The following MUC5B variants were observed in gnomAD, a reference collection of about 807,000 sequenced individuals.
The protein encoded by MUC5B is mucin 5B, oligomeric mucus/gel-forming.
MUC5B carries 116 observed loss-of-function variants against 376.9 expected under a neutral mutation model. That is an observed-to-expected ratio of 0.31 (90% CI 0.26 to 0.36). MUC5B has a LOEUF of 0.36. Ranked by LOEUF, MUC5B falls within the 10% of genes least tolerant of loss-of-function variation. The probability of loss-of-function intolerance (pLI) is 1.00; values close to 1 mark genes in which losing one functional copy is unlikely to be tolerated. For synonymous variants in MUC5B, 3,517 were observed against 3,390.9 expected, an observed-to-expected ratio of 1.04 and a Z score of -1.29; for missense variants, 7,165 against 7,769.9, an observed-to-expected ratio of 0.92 and a Z score of 2.93.
Position 1,247,842 on chromosome 11 carries a change from G to C in MUC5B, c.10962G>C (p.Lys3654Asn), listed in dbSNP as rs771552972. 5 of 1,607,868 alleles carry C rather than the reference G, an allele frequency of 3.1e-6. No homozygotes were observed. Among genetic ancestry groups the C allele is most frequent in the Non-Finnish European group, 4.2e-6 (5 of 1,177,268 alleles). The change falls in exon 31 of 49, where the codon AAG (lysine) becomes AAC (asparagine). Residue 3654 changes from lysine to asparagine, a missense_variant. Coordinates refer to ENST00000529681, the MANE Select transcript of MUC5B (RefSeq NM_002458.3). ...ACCGTGAGCAGGTGGGGAAGTTCAAGATGTGCTTCAACTATGAAATCCGTG... is the reference window on the plus strand; with the variant it reads ...ACCGTGAGCAGGTGGGGAAGTTCAACATGTGCTTCAACTATGAAATCCGTG... ...CRNREQVGKF[K>N]MCFNYEIRVF... is the part of the protein sequence containing the mutation.
In MUC5B at chr11:1,237,014, G is replaced by A; in HGVS notation, c.3147G>A (p.Leu1049=). The A allele has an allele frequency of 1.9e-6, 3 of 1,576,736 alleles. No individual in the cohort carries two copies. The highest frequency in any genetic ancestry group is 8.6e-7 in the Non-Finnish European group (1 of 1,161,034). ...GCCGGTCCGTGGTGGGGGACGCACT[G>A]GAGTTTGGGAACAGCTGGAAGCTCT... The part of the protein sequence containing the change: ...TRSRSVVGDA[L]EFGNSWKLSP... Residue 1049 remains leucine, a synonymous_variant, in exon 25 of 49, where the codon CTG becomes CTA. Transcript: ENST00000529681.
rs1296936769 is a variant in MUC5B at position 1,251,699 on chromosome 11, C to G, written c.14819C>G (p.Ser4940Cys). 2 of 1,611,418 alleles carry G rather than the reference C, an allele frequency of 1.2e-6. No homozygotes were observed. Among genetic ancestry groups the G allele is most frequent in the Non-Finnish European group, 1.7e-6 (2 of 1,178,856 alleles). ...ACTGGCTTCCCCAGCTCCCACTTCT[C>G]TACTCCCTGCTTCTGCAGGGCATTT... is the stretch of plus-strand genomic sequence containing the variant. ...RPTGFPSSHF[S>C]TPCFCRAFGQ... is the part of the protein sequence containing the mutation. The change falls in exon 31 of 49, where the codon TCT becomes TGT. Residue 4940 changes from serine to cysteine, a missense_variant. Physicochemically the swap from Ser to Cys is moderately radical, Grantham distance 112. Coordinates refer to ENST00000529681, the MANE Select transcript of MUC5B (RefSeq NM_002458.3).
Position 1,242,797 on chromosome 11 carries a change from A to G in MUC5B, c.5917A>G (p.Thr1973Ala). The change falls in exon 31 of 49, where the codon ACC becomes GCC. Residue 1973 changes from threonine to alanine, a missense_variant. By Grantham distance (58) the Thr-to-Ala change is moderately conservative. Coordinates refer to ENST00000529681, the MANE Select transcript of MUC5B (RefSeq NM_002458.3). ...CCTTCCAGCACTGAGAAGCACAGCC[A>G]CCACACCCACAGCTACCAGCGTTAC... ...TALPALRSTATTPTATSVTPI... is the reference protein window; with the variant it reads ...TALPALRSTAATPTATSVTPI... 1 of 1,613,050 alleles carries G rather than the reference A, an allele frequency of 6.2e-7. No individual in the cohort carries two copies. Among genetic ancestry groups the G allele is most frequent in the Non-Finnish European group, 8.5e-7 (1 of 1,179,522 alleles).
At position 1,241,721 on chromosome 11, in the gene MUC5B, C is replaced by G. The variant is rs766349222; in HGVS notation, c.4841C>G (p.Thr1614Arg). 6.2e-7 allele frequency: 1 copy of G among 1,612,562 alleles called. No individual in the cohort carries two copies. Among genetic ancestry groups the G allele is most frequent in the South Asian group, 1.1e-5 (1 of 91,012 alleles). ...CGTGCCACAACCCCGCCACCGACCA[C>G]AGAGCTGGAGACGGCCACCACCACC... ...RGRATTPPPT[T>R]ELETATTTTT... The change falls in exon 31 of 49, where the codon ACA (threonine) becomes AGA (arginine). Residue 1614 changes from threonine (T) to arginine (R), a missense_variant. By Grantham distance (71) the Thr-to-Arg change is moderately conservative. This residue lies in a region of MUC5B where 897 missense variants were observed against 779.6 expected (regional missense o/e 1.15). Coordinates refer to ENST00000529681, the MANE Select transcript of MUC5B (RefSeq NM_002458.3).
rs1261042945 is a variant in MUC5B at position 1,235,151 on chromosome 11, G to A, written c.2697G>A (p.Gly899=). 1 of 1,613,020 alleles carries A rather than the reference G, an allele frequency of 6.2e-7. No homozygotes were observed. Among genetic ancestry groups the A allele is most frequent in the East Asian group, 2.2e-5 (1 of 44,878 alleles). ...GCCTGGGCACCTGCGTGGCCTACGG[G>A]GATGGCCACTTCATCACCTTTGATG... ...RLCLGTCVAY[G]DGHFITFDGD... The change falls in exon 22 of 49, where the codon GGG becomes GGA. Residue 899 remains glycine, a synonymous_variant. Transcript: ENST00000529681.
rs546461360 is a variant in MUC5B at position 1,228,898 on chromosome 11, G to A, written c.976+133G>A. 1,399 of 927,862 alleles carry A rather than the reference G, an allele frequency of 1.5e-3. 4 individuals are homozygous for A. The highest frequency in any genetic ancestry group is 1.9e-3 in the Non-Finnish European group (1,221 of 643,446). The allele number at this position is 927,862 out of a possible 1,614,324, so 57.5% of individuals were successfully genotyped here. On this transcript the variant is annotated intron_variant, in intron 8 of 48. Coordinates refer to ENST00000529681, the MANE Select transcript of MUC5B (RefSeq NM_002458.3). ...GCAGAGGACCCACCCCAGGCATAGT[G>A]GGCAGAGGCCACCCCAGGACCCCAG... is the stretch of plus-strand genomic sequence containing the variant.
chr11:1,232,283 A>G (rs1862045080), intron 15 of MUC5B, 123 bp downstream of exon 15: 1 of 1,367,934 alleles, frequency 7.3e-7, no homozygotes, highest in Non-Finnish European at 9.9e-7. Context: ...GGTGGGAGGC[A>G]TCAGGAGGAG....
At position 1,236,451 on chromosome 11, in the gene MUC5B, A is replaced by G. The variant is rs1862159559; in HGVS notation, c.2946A>G (p.Pro982=). The G allele has an allele frequency of 1.9e-6, 3 of 1,612,714 alleles. No homozygotes were observed. Among genetic ancestry groups the G allele is most frequent in the Non-Finnish European group, 2.5e-6 (3 of 1,179,736 alleles). Residue 982 remains proline, a synonymous_variant, in exon 24 of 49, where the codon CCA becomes CCG. Transcript: ENST00000529681. ...TGGCGAGAGGGCCGGGTGGGGACCC[A>G]CCCTACAAGATACGCTACATGGGGA... ...KAVARGPGGD[P]PYKIRYMGIF... is the part of the protein sequence containing the mutation.
chr11:1,236,888 C>T (rs748146128), intron 24 of MUC5B, 37 bp from the exon 25 acceptor site: 100 of 1,401,802 alleles, frequency 7.1e-5, no homozygotes, highest in Non-Finnish European at 8.9e-5. Flanking sequence ...GCCTGTGGCC[C>T]CAGCTCCAGG....
rs1242334352 is a variant in MUC5B, at chr11:1,253,115, G to T, written c.15217+135G>T. ...GAATGGTGGGGCATGGTGGGGCATG[G>T]TGGGGTGCAGTGGGGCATGGTGGGG... On this transcript the variant is annotated intron_variant, in intron 33 of 48. Transcript: ENST00000529681. The surrounding 1 kb of genome is among the most constrained non-coding windows in gnomAD (Gnocchi z 4.3). The T allele has an allele frequency of 2.2e-6, 2 of 905,664 alleles. No individual in the cohort carries two copies. The highest frequency in any genetic ancestry group is 3.3e-5 in the African/African-American group (2 of 60,456). 56.1% of individuals were successfully genotyped at this position (905,664 alleles called of 1,614,324 possible). A position where few individuals can be genotyped will look rare whatever the true frequency, so the allele number is the denominator to read the frequency against.
chr11:1,223,366 G>A (rs1052318149), intron 1 of MUC5B, 173 bp downstream of exon 1: 4 of 688,344 alleles, frequency 5.8e-6, no homozygotes, highest in South Asian at 4.5e-5. Flanking sequence ...GGGGCCCCAC[G>A]GGCTCACAGT....
At position 1,254,168 on chromosome 11, in the gene MUC5B, C is replaced by T. The variant is rs753640092; in HGVS notation, c.15294C>T (p.Thr5098=). 1.2e-6 allele frequency: 2 copies of T among 1,612,994 alleles called. No homozygotes were observed. Among genetic ancestry groups the T allele is most frequent in the South Asian group, 2.2e-5 (2 of 91,092 alleles). ...CTTACACCTTCCGGGGCAACTGCAC[C>T]TATGTCCTCATGAGAGAGATCCATG... ...GTSYTFRGNC[T]YVLMREIHAR... is the part of the protein sequence containing the mutation. The change falls in exon 34 of 49, where the codon ACC becomes ACT. Residue 5098 remains threonine, a synonymous_variant. Transcript: ENST00000529681.
In MUC5B at chr11:1,257,132, C is replaced by T; in HGVS notation, c.16238-108C>T. On this transcript the variant is annotated intron_variant, in intron 39 of 48. Coordinates refer to ENST00000529681, the MANE Select transcript of MUC5B (RefSeq NM_002458.3). This position sits in a 1 kb window ranked among gnomAD's most constrained non-coding sequence, Gnocchi z 8.9. ...ACCCCAAAAGTTCTCCAGGGCCTTC[C>T]ATCCCGGGGGGAAGCAGGCTCCAGG... is the stretch of plus-strand genomic sequence containing the variant. 1.3e-6 allele frequency: 1 copy of T among 746,426 alleles called. No homozygotes were observed. Among genetic ancestry groups the T allele is most frequent in the Non-Finnish European group, 2.5e-6 (1 of 399,996 alleles). 46.2% of individuals were successfully genotyped at this position (746,426 alleles called of 1,614,324 possible). A position where few individuals can be genotyped will look rare whatever the true frequency, so the allele number is the denominator to read the frequency against.
At position 1,234,660 on chromosome 11, in the gene MUC5B, C is replaced by T. The variant is rs1862114572; in HGVS notation, c.2610C>T (p.Ile870=). 2.6e-6 allele frequency: 4 copies of T among 1,538,218 alleles called. No individual in the cohort carries two copies. The highest frequency in any genetic ancestry group is 3.5e-6 in the Non-Finnish European group (4 of 1,140,540). Residue 870 remains isoleucine, a synonymous_variant, in exon 21 of 49, where the codon ATC becomes ATT. Transcript: ENST00000529681. The surrounding 1 kb of genome is among the most constrained non-coding windows in gnomAD (Gnocchi z 6.3). ...CCACCTACAAGCCTGGAGAGACCAT[C>T]AGGGTCGACTGCAACACCTGGTGGG... The part of the protein sequence containing the change: ...NEATYKPGET[I]RVDCNTCTCR...
In MUC5B at chr11:1,254,212, G is replaced by C. The variant is rs1862773432; in HGVS notation, c.15338G>C (p.Ser5113Thr). 6.2e-7 allele frequency: 1 copy of C among 1,612,640 alleles called. No individual in the cohort carries two copies. Among genetic ancestry groups the C allele is most frequent in the African/African-American group, 1.3e-5 (1 of 74,936 alleles). Reference protein sequence around the residue: ...REIHARFGNLSLYLDNHYCTA... With the variant: ...REIHARFGNLTLYLDNHYCTA... Reference sequence around the variant, plus strand: ...ATCCATGCACGCTTTGGGAATCTCAGCCTCTACCTGGACAACCACTACTGC... The same window carrying C: ...ATCCATGCACGCTTTGGGAATCTCACCCTCTACCTGGACAACCACTACTGC... The change falls in exon 34 of 49, where the codon AGC becomes ACC. Residue 5113 changes from serine to threonine, a missense_variant. Physicochemically the swap from Ser to Thr is moderately conservative, Grantham distance 58. Coordinates refer to ENST00000529681, the MANE Select transcript of MUC5B (RefSeq NM_002458.3).
Position 1,244,243 on chromosome 11 carries a change from C to G in MUC5B, c.7363C>G (p.Pro2455Ala), listed in dbSNP as rs776344223. ...TGAGTCCACTGGATCCACGGCCACC[C>G]CGTCCTCCACCCCAGGGACCACCTG... is the stretch of plus-strand genomic sequence containing the variant. ...TTESTGSTAT[P>A]SSTPGTTWIL... Residue 2455 changes from proline (P) to alanine (A), a missense_variant, in exon 31 of 49, where the codon CCG (proline) becomes GCG (alanine). Physicochemically the swap from Pro to Ala is conservative, Grantham distance 27. Transcript: ENST00000529681. 6.2e-7 allele frequency: 1 copy of G among 1,611,162 alleles called. No homozygotes were observed.
rs1443979275 is a variant in MUC5B, at chr11:1,249,980, C to T, written c.13100C>T (p.Thr4367Ile). The T allele has an allele frequency of 9.3e-6, 15 of 1,610,670 alleles. No individual in the cohort carries two copies. The highest frequency in any genetic ancestry group is 8.9e-5 in the East Asian group (4 of 44,706). Residue 4367 changes from threonine to isoleucine, a missense_variant, in exon 31 of 49, where the codon ACC becomes ATC. Transcript: ENST00000529681. Reference protein sequence around the residue: ...PETTHTSTVLTTKATTTRATS... With the variant: ...PETTHTSTVLITKATTTRATS... ...ACCACCCACACCTCCACAGTGCTGA[C>T]CACGAAGGCCACCACGACAAGGGCC...
At position 1,257,323 on chromosome 11, in the gene MUC5B, G is replaced by A. The variant is rs1242188162; in HGVS notation, c.16269+52G>A. 2 of 794,578 alleles carry A rather than the reference G, an allele frequency of 2.5e-6. No homozygotes were observed. The highest frequency in any genetic ancestry group is 4.6e-6 in the Non-Finnish European group (2 of 432,622). The allele number at this position is 794,578 out of a possible 1,614,324, so 49.2% of individuals were successfully genotyped here. ...TACCCCACCCTCTCGCGAGCTGAGGGAGGGAGGGAAGGAGCATCCCCATCC... is the reference window on the plus strand; with the variant it reads ...TACCCCACCCTCTCGCGAGCTGAGGAAGGGAGGGAAGGAGCATCCCCATCC... On this transcript the variant is annotated intron_variant, in intron 40 of 48. Coordinates refer to ENST00000529681, the MANE Select transcript of MUC5B (RefSeq NM_002458.3). This position sits in a 1 kb window ranked among gnomAD's most constrained non-coding sequence, Gnocchi z 8.9.
rs940738508 is a variant in MUC5B at position 1,229,292 on chromosome 11, C to T, written c.1099C>T (p.Pro367Ser). 2 of 1,571,642 alleles carry T rather than the reference C, an allele frequency of 1.3e-6. No homozygotes were observed. Among genetic ancestry groups the T allele is most frequent in the Admixed American group, 3.6e-5 (2 of 55,790 alleles). Residue 367 changes from proline (P) to serine (S), a missense_variant, in exon 9 of 49, where the codon CCA (proline) becomes TCA (serine). This residue lies in a region of MUC5B where 640 missense variants were observed against 733.0 expected (regional missense o/e 0.87). Transcript: ENST00000529681. Reference sequence around the variant, plus strand: ...CTGTGTGGACGGCTGCTTCTGCCCCCCAGGCAGGTCTTGTGTGCCCTGAAC... The same window carrying T: ...CTGTGTGGACGGCTGCTTCTGCCCCTCAGGCAGGTCTTGTGTGCCCTGAAC... ...DHCVDGCFCP[P>S]GTVLDDITHS...
Sources: gnomAD v4.1 joint callset for allele counts on GRCh38, gnomAD v4.1.1 for gene constraint, gnomAD v4.1.1 regional missense constraint, Gnocchi (gnomAD v3.1) non-coding constraint, MANE v1.5 for transcripts, NCBI Gene and HGNC (gene_info 2026-07-23, HGNC 2026-07-21) for gene names.